PPFIA2: variants seen among roughly 807,000 people sequenced by gnomAD.
PPFIA2 encodes PPFI scaffold protein A2.
Under a neutral mutation model 175.5 loss-of-function variants are expected in PPFIA2, and 46 were observed. The ratio of observed to expected loss-of-function variants is 0.26; its 90% CI spans 0.21 to 0.34. PPFIA2 has a LOEUF of 0.34. PPFIA2 is among the 10% of genes least tolerant of loss of function. The probability of loss-of-function intolerance (pLI) is 1.00; values close to 1 mark genes in which losing one functional copy is unlikely to be tolerated. For missense variants in PPFIA2, 1,179 were observed against 1,506.1 expected, an observed-to-expected ratio of 0.78 and a Z score of 3.60; for synonymous variants, 568 against 511.4, an observed-to-expected ratio of 1.11 and a Z score of -1.49.
chr12:81,492,884 CT>C (rs1388218372), intron 4 of PPFIA2, among the ~76,000 whole-genome samples: 3 of 151,954 alleles, frequency 2.0e-5, no homozygotes, highest in African/African-American at 7.2e-5. Flanking sequence ...TTGAAAGAAT[CT>C]GGAAAAAGAT....
chr12:81,680,319 A>T (rs1005078798), intron 3 of PPFIA2, among the ~76,000 whole-genome samples: 2 of 152,028 alleles, frequency 1.3e-5, no homozygotes, highest in African/African-American at 4.8e-5. Context: ...CATTAATGCC[A>T]TAATAAACTT....
chr12:81,538,478 T>C (rs1057254634), intron 4 of PPFIA2, among the ~76,000 whole-genome samples: 1 of 151,792 alleles, frequency 6.6e-6, no homozygotes, highest in African/African-American at 2.4e-5. Flanking sequence ...AGAGAAGATA[T>C]ATGCTTTGGA....
intron 9 of PPFIA2, among the ~76,000 whole-genome samples, chr12:81,378,720 AT>A (rs2036953524): frequency 6.6e-6 from 1 of 152,188 alleles, no homozygotes; most frequent in African/African-American, 2.4e-5. Context: ...TTCTTACTAA[AT>A]TTTAACAGCA....
chr12:81,643,098 CATAA>C (rs1160731532), intron 4 of PPFIA2, among the ~76,000 whole-genome samples: 7 of 148,074 alleles, frequency 4.7e-5, no homozygotes, highest in African/African-American at 1.2e-4. Flanking sequence ...ATATATATTT[CATAA>C]ATATATTCAT....
chr12:81,443,515 C>T (rs919220265), intron 6 of PPFIA2, among the ~76,000 whole-genome samples: 4 of 149,874 alleles, frequency 2.7e-5, no homozygotes, highest in African/African-American at 7.4e-5. Context: ...TTCTAGATTA[C>T]GTTGTACAAC....
chr12:81,305,608 T>C (rs770385466), intron 22 of PPFIA2, among the ~76,000 whole-genome samples: 1 of 152,166 alleles, frequency 6.6e-6, no homozygotes, highest in Admixed American at 6.5e-5. Flanking sequence ...CTTTCCTCAA[T>C]TCATACCATT....
rs1426134139 is a variant in PPFIA2 at position 81,351,893 on chromosome 12, G to T, written c.1994+1226C>A. Among the ~76,000 whole-genome samples, 3 of 151,906 alleles carry T rather than the reference G, an allele frequency of 2.0e-5. No homozygotes were observed. The East Asian group carries it at 5.8e-4, about 29-fold the overall frequency. On this transcript the variant is annotated intron_variant, in intron 17 of 32. Transcript: ENST00000549396. ...GGCACACTAGCCTGGGTAGCAGTGT[G>T]AGACCCTATTTAAATAAAAAAAAAT...
At chr12:81,277,236 CAT>C in intron 28 of PPFIA2, 79 bp downstream of exon 28, 1 of 1,182,256 alleles carries the variant, frequency 8.5e-7, no homozygotes, top group Non-Finnish European at 1.2e-6. Context: ...CATTGTAACA[CAT>C]ATAACATTTT....
intron 3 of PPFIA2, among the ~76,000 whole-genome samples, chr12:81,684,438 T>C (rs943333501): frequency 6.6e-6 from 1 of 152,060 alleles, no homozygotes; most frequent in African/African-American, 2.4e-5. Context: ...CATCAGCCTA[T>C]AGAACAGCTT....
chr12:81,637,337 C>G (rs2064238825), intron 4 of PPFIA2, among the ~76,000 whole-genome samples: 1 of 146,280 alleles, frequency 6.8e-6, no homozygotes, highest in South Asian at 2.2e-4. Flanking sequence ...CTCCCAACCT[C>G]AGGTGTTCCG....
intron 3 of PPFIA2, among the ~76,000 whole-genome samples, chr12:81,724,041 A>G (rs1377056875): frequency 6.6e-6 from 1 of 150,932 alleles, no homozygotes; most frequent in Admixed American, 6.6e-5. Flanking sequence ...GAAACAGGGA[A>G]AGGTGACTGT....
At chr12:81,757,263 G>A (rs765843520) in intron 2 of PPFIA2, among the ~76,000 whole-genome samples, 2 of 152,130 alleles carry the variant, frequency 1.3e-5, no homozygotes, top group Admixed American at 6.5e-5. Flanking sequence ...TGTCTAGTGC[G>A]TTTCACCCAG....
chr12:81,532,720 T>G (rs1489819973), intron 4 of PPFIA2, among the ~76,000 whole-genome samples: 1 of 151,784 alleles, frequency 6.6e-6, no homozygotes, highest in Non-Finnish European at 1.5e-5. Context: ...AGCCAATTCT[T>G]TTTATTATGA....
intron 8 of PPFIA2, among the ~76,000 whole-genome samples, chr12:81,394,507 A>T (rs1252092521): frequency 6.6e-6 from 1 of 152,094 alleles, no homozygotes; most frequent in African/African-American, 2.4e-5. Flanking sequence ...AAAGAAAAAC[A>T]GTTCCAAAAG....
chr12:81,640,011 T>C (rs1720483763), intron 4 of PPFIA2, among the ~76,000 whole-genome samples: 1 of 152,200 alleles, frequency 6.6e-6, no homozygotes, highest in African/African-American at 2.4e-5. Context: ...ACGTGTATAC[T>C]CACTTATGAG....
chr12:81,549,478 A>T lies in PPFIA2; in HGVS notation c.304-91612T>A, dbSNP rs570574700. The stretch of plus-strand genomic sequence containing the variant: ...GAGTCTTCCTCATTTTGATAGTTAA[A>T]TAATACTAACTGCTGTCCCCATATC... On this transcript the variant is annotated intron_variant, in intron 4 of 32. Coordinates refer to ENST00000549396, the MANE Select transcript of PPFIA2 (RefSeq NM_003625.5). Among the ~76,000 whole-genome samples, 72 of 152,116 alleles carry T rather than the reference A, an allele frequency of 4.7e-4. 3 individuals carry two copies. In the Middle Eastern group the frequency reaches 0.034, roughly 72 times the overall value.
chr12:81,407,235 G>A (rs533257121), intron 7 of PPFIA2, among the ~76,000 whole-genome samples: 5 of 152,050 alleles, frequency 3.3e-5, no homozygotes, highest in Non-Finnish European at 5.9e-5. Flanking sequence ...CTGTAATCTC[G>A]GCACTTTGGG....
intron 4 of PPFIA2, among the ~76,000 whole-genome samples, chr12:81,483,547 A>C (rs867698225): frequency 3.2e-4 from 48 of 152,112 alleles, no homozygotes; most frequent in African/African-American, 1.1e-3. Flanking sequence ...GTGGGGAATA[A>C]TTGCTAATAG....
rs150387906 is a variant in PPFIA2 at position 81,356,489 on chromosome 12, C to A, written c.1773+1593G>T. 9.2e-5 allele frequency among the ~76,000 whole-genome samples: 14 copies of A among 152,018 alleles called. No individual in the cohort carries two copies. In the East Asian group the frequency reaches 1.6e-3, roughly 17 times the overall value. On this transcript the variant is annotated intron_variant, in intron 16 of 32. Transcript: ENST00000549396. The stretch of plus-strand genomic sequence containing the variant: ...ATCAACCTGGGCAAGATGGTGAAAT[C>A]CCATCACTACAAAAAATACAAAAAT...
Sources: allele counts gnomAD v4.1 joint callset (sites outside exome capture counted in the v4.1 genomes callset), GRCh38; gene constraint gnomAD v4.1.1; transcripts MANE v1.5; gene names NCBI Gene and HGNC (gene_info 2026-07-23, HGNC 2026-07-21).